Variants in CC2D2A observed in about 807,000 individuals in gnomAD.
The protein encoded by CC2D2A is coiled-coil and C2 domain-containing protein 2A.
Under a neutral mutation model 212.9 loss-of-function variants are expected in CC2D2A, and 155 were observed. The ratio of observed to expected loss-of-function variants is 0.73; its 90% CI spans 0.64 to 0.83. The LOEUF is 0.83. Ranked by LOEUF, CC2D2A falls within the 40% of genes least tolerant of loss-of-function variation. CC2D2A has a pLI of 0.00. For synonymous variants in CC2D2A, 667 were observed against 686.5 expected, an observed-to-expected ratio of 0.97 and a Z score of 0.44; for missense variants, 1,856 against 1,956.2, an observed-to-expected ratio of 0.95 and a Z score of 0.97.
chr4:15,590,534 G>A (rs954180621), intron 33 of CC2D2A, among the ~76,000 whole-genome samples: 1 of 151,998 alleles, frequency 6.6e-6, no homozygotes, highest in Non-Finnish European at 1.5e-5. Flanking sequence ...TGAGTTATGC[G>A]ATCAGACTGC....
intron 17 of CC2D2A, among the ~76,000 whole-genome samples, chr4:15,548,655 T>C (rs907951912): frequency 2.6e-5 from 4 of 152,000 alleles, no homozygotes. Flanking sequence ...TTCATGCCAA[T>C]GAGTTTGTAA....
chr4:15,548,873 T>C (rs1250187408), intron 17 of CC2D2A, among the ~76,000 whole-genome samples: 2 of 152,128 alleles, frequency 1.3e-5, no homozygotes, highest in African/African-American at 4.8e-5. Flanking sequence ...TAATAGAGGC[T>C]TGAGGAACAT....
intron 33 of CC2D2A, among the ~76,000 whole-genome samples, chr4:15,593,490 A>G (rs1419555635): frequency 3.3e-5 from 5 of 152,304 alleles, no homozygotes; most frequent in African/African-American, 4.8e-5. Flanking sequence ...TCCCAAGTTT[A>G]TATCTCCAGC....
chr4:15,507,857 T>C (rs1450926929), intron 6 of CC2D2A, among the ~76,000 whole-genome samples: 4 of 152,220 alleles, frequency 2.6e-5, no homozygotes, highest in African/African-American at 7.2e-5. Context: ...GACTTCAGTC[T>C]TTCTTCCTGC....
intron 27 of CC2D2A, 70 bp from the exon 28 acceptor site, chr4:15,570,328 C>A: frequency 1.1e-6 from 1 of 939,694 alleles, no homozygotes; most frequent in Non-Finnish European, 1.6e-6. Context: ...TTGCTGCTTT[C>A]CTGCTGCCAG....
intron 31 of CC2D2A, 22 bp downstream of exon 31, chr4:15,586,268 A>AT: frequency 6.8e-7 from 1 of 1,462,418 alleles, no homozygotes. Flanking sequence ...TTCTTCACAG[A>AT]TTTAGAAACT....
chr4:15,507,555 G>T (rs1475249695), intron 6 of CC2D2A, among the ~76,000 whole-genome samples: 1 of 152,092 alleles, frequency 6.6e-6, no homozygotes, highest in African/African-American at 2.4e-5. Flanking sequence ...GAGGCCAAGG[G>T]GACACTTCCT....
In CC2D2A at chr4:15,560,569, A is replaced by G; in HGVS notation, c.2961A>G (p.Lys987=). 1 of 1,532,532 alleles carries G rather than the reference A, an allele frequency of 6.5e-7. No homozygotes were observed. Among genetic ancestry groups the G allele is most frequent in the Non-Finnish European group, 9.0e-7 (1 of 1,116,036 alleles). 94.9% of individuals were successfully genotyped at this position (1,532,532 alleles called of 1,614,324 possible). A position where few individuals can be genotyped will look rare whatever the true frequency, so the allele number is the denominator to read the frequency against. ...TGATAAATCGTTTCTTAATTGCAAA[A>G]CAATATTTTCTTCTTGCTGATATGA... ...ESVINRFLIA[K]QYFLLADMIV... Residue 987 remains lysine, a synonymous_variant, in exon 23 of 37, where the codon AAA becomes AAG. Transcript: ENST00000424120.
At chr4:15,500,077 G>GTA in intron 4 of CC2D2A, among the ~76,000 whole-genome samples, 1 of 55,888 alleles carries the variant, frequency 1.8e-5, no homozygotes, top group African/African-American at 6.1e-5. Context: ...AACCTAGATT[G>GTA]TGTGTGTGTG....
chr4:15,581,666 G>C (rs547537447), intron 30 of CC2D2A, among the ~76,000 whole-genome samples: 11 of 152,188 alleles, frequency 7.2e-5, no homozygotes, highest in African/African-American at 2.6e-4. Context: ...TCTTGACTTT[G>C]GATGGAAGAG....
At position 15,559,223 on chromosome 4, in the gene CC2D2A, C is replaced by T. The variant is rs774214294; in HGVS notation, c.2888C>T (p.Thr963Ile). The change falls in exon 22 of 37, where the codon ACC becomes ATC. Residue 963 changes from threonine (T) to isoleucine (I), a missense_variant. This residue lies in a region of CC2D2A where 1,512 missense variants were observed against 1,579.3 expected (regional missense o/e 0.96). Transcript: ENST00000424120. ...NVIETKEHID[T>I]HRAIVAKYLQ... Reference sequence around the variant, plus strand: ...ATAGAAACCAAGGAACACATAGACACCCATAGGGCCATAGTAGCCAAGTAC... The same window carrying T: ...ATAGAAACCAAGGAACACATAGACATCCATAGGGCCATAGTAGCCAAGTAC... 1.9e-6 allele frequency: 3 copies of T among 1,553,886 alleles called. No individual in the cohort carries two copies. Among genetic ancestry groups the T allele is most frequent in the Non-Finnish European group, 1.7e-6 (2 of 1,148,144 alleles).
chr4:15,538,137 G>GGT lies in CC2D2A; in HGVS notation c.2003+2_2003+3dup. On this transcript the variant is annotated frameshift_variant and splice_region_variant. Coordinates refer to ENST00000424120, the MANE Select transcript of CC2D2A (RefSeq NM_001378615.1). LOFTEE classifies it high-confidence loss of function. ...GTAACACCCAATGACCAGTGCCCCA[G>GGT]GTGAGTGGATGCTCCGACCGTAAAT... The GGT allele has an allele frequency of 6.4e-7, 1 of 1,559,310 alleles. No individual in the cohort carries two copies. The highest frequency in any genetic ancestry group is 1.2e-5 in the South Asian group (1 of 83,986).
At chr4:15,536,114 G>A (rs1718116167) in intron 14 of CC2D2A, among the ~76,000 whole-genome samples, 2 of 152,216 alleles carry the variant, frequency 1.3e-5, no homozygotes, top group Admixed American at 1.3e-4. Flanking sequence ...ATCTCCTGGT[G>A]GAGTATAAGC....
At chr4:15,536,376 G>T (rs1433733744) in intron 14 of CC2D2A, among the ~76,000 whole-genome samples, 1 of 152,114 alleles carries the variant, frequency 6.6e-6, no homozygotes, top group Non-Finnish European at 1.5e-5. Context: ...GTTGATGCAT[G>T]CAGTAAACCA....
chr4:15,527,411 A>T, intron 11 of CC2D2A, 36 bp from the exon 12 acceptor site: 1 of 1,505,582 alleles, frequency 6.6e-7, no homozygotes, highest in Non-Finnish European at 9.2e-7. Flanking sequence ...TAAGTGCTTT[A>T]ACTGTGTTCT....
intron 34 of CC2D2A, 38 bp downstream of exon 34, chr4:15,596,245 TA>T: frequency 1.4e-6 from 2 of 1,459,190 alleles, no homozygotes; most frequent in South Asian, 1.4e-5. Flanking sequence ...GTAGACAAAG[TA>T]AAAGATAGGA....
Position 15,599,700 on chromosome 4 carries a change from C to T in CC2D2A, c.4668C>T (p.Asp1556=). 2 of 1,602,482 alleles carry T rather than the reference C, an allele frequency of 1.2e-6. No individual in the cohort carries two copies. Among genetic ancestry groups the T allele is most frequent in the Non-Finnish European group, 1.7e-6 (2 of 1,171,532 alleles). The change falls in exon 36 of 37, where the codon GAC becomes GAT. Residue 1556 remains aspartate (D), a synonymous_variant. Coordinates refer to ENST00000424120, the MANE Select transcript of CC2D2A (RefSeq NM_001378615.1). ...CAGAACTGCTAAAACAGCTGGGAGACTACAGGGTAAGTTACAAATGGATCC... is the reference window on the plus strand; with the variant it reads ...CAGAACTGCTAAAACAGCTGGGAGATTACAGGGTAAGTTACAAATGGATCC... ...HRAELLKQLG[D]YRFSGFPLHM... is the part of the protein sequence containing the mutation.
intron 4 of CC2D2A, among the ~76,000 whole-genome samples, chr4:15,497,007 A>G (rs1400178077): frequency 6.6e-6 from 1 of 152,214 alleles, no homozygotes; most frequent in Non-Finnish European, 1.5e-5. Context: ...TTTAAGATTC[A>G]GTGCTATTCC....
chr4:15,496,923 C>A (rs1715651509), intron 4 of CC2D2A, among the ~76,000 whole-genome samples: 1 of 152,092 alleles, frequency 6.6e-6, no homozygotes, highest in Non-Finnish European at 1.5e-5. Flanking sequence ...ATAACACAAA[C>A]AAATGAAAAA....
Sources: allele counts gnomAD v4.1 joint callset (sites outside exome capture counted in the v4.1 genomes callset), GRCh38; gene constraint gnomAD v4.1.1; regional missense constraint gnomAD v4.1.1; transcripts MANE v1.5; gene names NCBI Gene and HGNC (gene_info 2026-07-23, HGNC 2026-07-21).